The following NUPR1 variants were observed in gnomAD, a reference collection of about 807,000 sequenced individuals.
NUPR1 encodes the protein nuclear protein 1.
Under a neutral mutation model 7.3 loss-of-function variants are expected in NUPR1, and 8 were observed. The ratio of observed to expected loss-of-function variants is 1.09; its 90% CI spans 0.64 to 1.97. NUPR1 has a LOEUF of 1.97. Among genes scored for constraint, NUPR1 ranks in the 30% most tolerant of loss-of-function variants. The pLI is 0.00. For missense variants in NUPR1, 96 were observed against 111.7 expected (o/e 0.86, Z 0.63); for synonymous variants, 39 against 44.5 (o/e 0.88, Z 0.49).
rs1406601108 is a variant in NUPR1 at position 28,535,544 on chromosome 16, C to CTTTCTTTCTTTCTTT, written c.*2138_*2139insAAAGAAAGAAAGAAA. 1.7e-5 allele frequency: 1 copy of CTTTCTTTCTTTCTTT among 58,124 alleles called. No individual in the cohort carries two copies. Among genetic ancestry groups the CTTTCTTTCTTTCTTT allele is most frequent in the African/African-American group, 6.0e-5 (1 of 16,696 alleles). 3.6% of individuals were successfully genotyped at this position (58,124 alleles called of 1,614,324 possible). ...CTTTCTTTCTTTCTTTCTTTCTTTC[C>CTTTCTTTCTTTCTTT]TTCTTTCTTTCTTTCTTTCCTTCCT... On this transcript the variant is annotated 3_prime_UTR_variant, in exon 3 of 3. Transcript: ENST00000324873.
rs1157509232 is a variant in NUPR1, at chr16:28,535,538, TCTTTCC to T, written c.*2139_*2144del. ...TTCTTTCTTTCTTTCTTTCTTTCTT[TCTTTCC>T]TTCTTTCTTTCTTTCTTTCCTTCCT... On this transcript the variant is annotated 3_prime_UTR_variant, in exon 3 of 3. Transcript: ENST00000324873. 15 of 69,854 alleles carry T rather than the reference TCTTTCC, an allele frequency of 2.1e-4. No individual in the cohort carries two copies. The highest frequency in any genetic ancestry group is 6.9e-4 in the African/African-American group (15 of 21,758). 4.3% of individuals were successfully genotyped at this position (69,854 alleles called of 1,614,324 possible).
rs1231811231 is a variant in NUPR1, at chr16:28,534,638, C to T, written c.*3045G>A. ...GCTGTTGCCCAAGTTTTGGCTACCA[C>T]GTGGCTAAGCAGCTCAATGCTACAT... On this transcript the variant is annotated 3_prime_UTR_variant, in exon 3 of 3. Transcript: ENST00000324873. 1 of 152,182 alleles carries T rather than the reference C, an allele frequency of 6.6e-6. No individual in the cohort carries two copies. Among genetic ancestry groups the T allele is most frequent in the Non-Finnish European group, 1.5e-5 (1 of 68,032 alleles). The allele number at this position is 152,182 out of a possible 1,614,324, so 9.4% of individuals were successfully genotyped here.
At position 28,532,879 on chromosome 16, in the gene NUPR1, GT is replaced by G. The variant is rs1346682738; in HGVS notation, c.*4803del. 6.6e-6 allele frequency: 1 copy of G among 152,114 alleles called. No individual in the cohort carries two copies. The highest frequency in any genetic ancestry group is 6.6e-5 in the Admixed American group (1 of 15,266). 9.4% of individuals were successfully genotyped at this position (152,114 alleles called of 1,614,324 possible). A position where few individuals can be genotyped will look rare whatever the true frequency, so the allele number is the denominator to read the frequency against. ...AATTACTTAATGTCTCCGAACCTCA[GT>G]TTTCCGGTCTGAAAAAAAGGGGATC... On this transcript the variant is annotated 3_prime_UTR_variant, in exon 3 of 3. Coordinates refer to ENST00000324873, the MANE Select transcript of NUPR1 (RefSeq NM_012385.3).
At chr16:28,537,908 T>C in intron 2 of NUPR1, 98 bp downstream of exon 2, 1 of 956,858 alleles carries the variant, frequency 1.0e-6, no homozygotes, top group Middle Eastern at 2.7e-4. Context: ...AAGACAACAG[T>C]TGCCTGATCC....
chr16:28,535,565 TTCC>T lies in NUPR1; in HGVS notation c.*2115_*2117del, dbSNP rs1567277448. ...TTTCCTTCTTTCTTTCTTTCTTTCC[TTCC>T]TTCCTTTCTTTCTTTCTTTCTTTCT... On this transcript the variant is annotated 3_prime_UTR_variant, in exon 3 of 3. Coordinates refer to ENST00000324873, the MANE Select transcript of NUPR1 (RefSeq NM_012385.3). 188 of 29,310 alleles carry T rather than the reference TTCC, an allele frequency of 6.4e-3. 4 individuals carry two copies. The highest frequency in any genetic ancestry group is 5.6e-3 in the African/African-American group (79 of 14,210). 1.8% of individuals were successfully genotyped at this position (29,310 alleles called of 1,614,324 possible).
chr16:28,535,571 C>CTTTCTTTCTTTCTTTTT lies in NUPR1; in HGVS notation c.*2111_*2112insAAAAAGAAAGAAAGAAA, dbSNP rs1555472555. On this transcript the variant is annotated 3_prime_UTR_variant, in exon 3 of 3. Coordinates refer to ENST00000324873, the MANE Select transcript of NUPR1 (RefSeq NM_012385.3). ...TCTTTCTTTCTTTCTTTCCTTCCTT[C>CTTTCTTTCTTTCTTTTT]CTTTCTTTCTTTCTTTCTTTCTTTC... The CTTTCTTTCTTTCTTTTT allele has an allele frequency of 4.2e-4, 30 of 71,944 alleles. No individual in the cohort carries two copies. The highest frequency in any genetic ancestry group is 4.7e-4 in the Non-Finnish European group (18 of 38,500). The allele number at this position is 71,944 out of a possible 1,614,324, so 4.5% of individuals were successfully genotyped here.
Position 28,535,549 on chromosome 16 carries a change from T to TTC in NUPR1, c.*2132_*2133dup, listed in dbSNP as rs1179040297. 2.0e-4 allele frequency: 6 copies of TTC among 30,110 alleles called. No individual in the cohort carries two copies. Among genetic ancestry groups the TTC allele is most frequent in the African/African-American group, 3.2e-4 (4 of 12,308 alleles). The allele number at this position is 30,110 out of a possible 1,614,324, so 1.9% of individuals were successfully genotyped here. ...TTTCTTTCTTTCTTTCTTTCCTTCTTTCTTTCTTTCTTTCCTTCCTTCCTT... is the reference window on the plus strand; with the variant it reads ...TTTCTTTCTTTCTTTCTTTCCTTCTTTCTCTTTCTTTCTTTCCTTCCTTCCTT... On this transcript the variant is annotated 3_prime_UTR_variant, in exon 3 of 3. Transcript: ENST00000324873.
In NUPR1 at chr16:28,535,579, T is replaced by TCTTTCTTTCTTTCCTTC. The variant is rs2046611365; in HGVS notation, c.*2103_*2104insGAAGGAAAGAAAGAAAG. The TCTTTCTTTCTTTCCTTC allele has an allele frequency of 5.1e-5, 2 of 39,160 alleles. No individual in the cohort carries two copies. The highest frequency in any genetic ancestry group is 2.7e-4 in the African/African-American group (2 of 7,484). The allele number at this position is 39,160 out of a possible 1,614,324, so 2.4% of individuals were successfully genotyped here. On this transcript the variant is annotated 3_prime_UTR_variant, in exon 3 of 3. Coordinates refer to ENST00000324873, the MANE Select transcript of NUPR1 (RefSeq NM_012385.3). The stretch of plus-strand genomic sequence containing the variant: ...TCTTTCTTTCCTTCCTTCCTTTCTT[T>TCTTTCTTTCTTTCCTTC]CTTTCTTTCTTTCTTTCTTTCTTTC...
rs968589968 is a variant in NUPR1, at chr16:28,534,068, G to C, written c.*3615C>G. The C allele has an allele frequency of 2.0e-5, 3 of 152,178 alleles. No individual in the cohort carries two copies. Among genetic ancestry groups the C allele is most frequent in the Non-Finnish European group, 4.4e-5 (3 of 68,096 alleles). 9.4% of individuals were successfully genotyped at this position (152,178 alleles called of 1,614,324 possible). A position where few individuals can be genotyped will look rare whatever the true frequency, so the allele number is the denominator to read the frequency against. On this transcript the variant is annotated 3_prime_UTR_variant, in exon 3 of 3. Transcript: ENST00000324873. The stretch of plus-strand genomic sequence containing the variant: ...AAATCGCTTGAACCCAGGAAGCGGA[G>C]GTTGCAGTGGGTCGAGATCACACCA...
chr16:28,538,808 G>C lies in NUPR1; in HGVS notation c.100C>G (p.His34Asp). ...GAGTGGGCCTTACCGAGGTAGGAATGGGCCAGGCTATAGAGGTCAGATTCA... is the reference window on the plus strand; with the variant it reads ...GAGTGGGCCTTACCGAGGTAGGAATCGGCCAGGCTATAGAGGTCAGATTCA... ...LDESDLYSLAHSYLGGGGRKG... is the reference protein window; with the variant it reads ...LDESDLYSLADSYLGGGGRKG... Residue 34 changes from histidine to aspartate, a missense_variant, in exon 1 of 3, where the codon CAT (histidine) becomes GAT (aspartate). Coordinates refer to ENST00000324873, the MANE Select transcript of NUPR1 (RefSeq NM_012385.3). The C allele has an allele frequency of 6.2e-7, 1 of 1,607,946 alleles. No individual in the cohort carries two copies. The highest frequency in any genetic ancestry group is 1.1e-5 in the South Asian group (1 of 90,870).
chr16:28,538,900 G>T lies in NUPR1; in HGVS notation c.8C>A (p.Thr3Asn), dbSNP rs552179771. MATFPPATSAPQQ... is the reference protein window; with the variant it reads MANFPPATSAPQQ... ...GGGGGCGCTGGTTGCTGGTGGGAAGGTGGCCATCGTGCCTGGCTTGTCTTC... is the reference window on the plus strand; with the variant it reads ...GGGGGCGCTGGTTGCTGGTGGGAAGTTGGCCATCGTGCCTGGCTTGTCTTC... The change falls in exon 1 of 3, where the codon ACC becomes AAC. Residue 3 changes from threonine to asparagine, a missense_variant. By Grantham distance (65) the Thr-to-Asn change is moderately conservative. Transcript: ENST00000324873. The T allele has an allele frequency of 3.1e-6, 5 of 1,612,352 alleles. No individual in the cohort carries two copies. The highest frequency in any genetic ancestry group is 4.2e-6 in the Non-Finnish European group (5 of 1,179,540).
In NUPR1 at chr16:28,535,592, C is replaced by CTTTCT. The variant is rs2046614025; in HGVS notation, c.*2086_*2090dup. 7.0e-4 allele frequency: 26 copies of CTTTCT among 37,014 alleles called. 1 individual carries two copies. The highest frequency in any genetic ancestry group is 2.7e-3 in the African/African-American group (23 of 8,430). 2.3% of individuals were successfully genotyped at this position (37,014 alleles called of 1,614,324 possible). On this transcript the variant is annotated 3_prime_UTR_variant, in exon 3 of 3. Coordinates refer to ENST00000324873, the MANE Select transcript of NUPR1 (RefSeq NM_012385.3). ...CCTTCCTTTCTTTCTTTCTTTCTTT[C>CTTTCT]TTTCTTTCTTTCTTTCTTTCTTTCT...
chr16:28,538,757 G>A, intron 1 of NUPR1, 39 bp downstream of exon 1: 1 of 1,469,358 alleles, frequency 6.8e-7, no homozygotes, highest in Non-Finnish European at 9.5e-7. Context: ...GATTTCGGGA[G>A]AGGAGGAAGG....
intron 1 of NUPR1, 41 bp from the exon 2 acceptor site, chr16:28,538,196 C>T: frequency 6.2e-7 from 1 of 1,613,464 alleles, no homozygotes; most frequent in Non-Finnish European, 8.5e-7. Flanking sequence ...TGGGCATAGG[C>T]ATGATGAGAG....
rs2046590804 is a variant in NUPR1, at chr16:28,532,836, G to T, written c.*4847C>A. 1 of 152,178 alleles carries T rather than the reference G, an allele frequency of 6.6e-6. No homozygotes were observed. Among genetic ancestry groups the T allele is most frequent in the African/African-American group, 2.4e-5 (1 of 41,442 alleles). The allele number at this position is 152,178 out of a possible 1,614,324, so 9.4% of individuals were successfully genotyped here. On this transcript the variant is annotated 3_prime_UTR_variant, in exon 3 of 3. Transcript: ENST00000324873. The stretch of plus-strand genomic sequence containing the variant: ...ATAATTCCAAGTCCTACAGGATGTG[G>T]CTGTGTGACTTTAGGCAAATTACTT...
Position 28,535,580 on chromosome 16 carries a change from C to CTTTTCTTTCTTTCTT in NUPR1, c.*2102_*2103insAAGAAAGAAAGAAAA, listed in dbSNP as rs747608986. The CTTTTCTTTCTTTCTT allele has an allele frequency of 2.8e-5, 1 of 35,136 alleles. No individual in the cohort carries two copies. Among genetic ancestry groups the CTTTTCTTTCTTTCTT allele is most frequent in the East Asian group, 3.1e-3 (1 of 322 alleles). The allele number at this position is 35,136 out of a possible 1,614,324, so 2.2% of individuals were successfully genotyped here. A position where few individuals can be genotyped will look rare whatever the true frequency, so the allele number is the denominator to read the frequency against. On this transcript the variant is annotated 3_prime_UTR_variant, in exon 3 of 3. Coordinates refer to ENST00000324873, the MANE Select transcript of NUPR1 (RefSeq NM_012385.3). ...CTTTCTTTCCTTCCTTCCTTTCTTTCTTTCTTTCTTTCTTTCTTTCTTTCT... is the reference window on the plus strand; with the variant it reads ...CTTTCTTTCCTTCCTTCCTTTCTTTCTTTTCTTTCTTTCTTTTTCTTTCTTTCTTTCTTTCTTTCT...
At position 28,535,511 on chromosome 16, in the gene NUPR1, CTTTCTT is replaced by C. The variant is rs1355885303; in HGVS notation, c.*2166_*2171del. 1 of 64,616 alleles carries C rather than the reference CTTTCTT, an allele frequency of 1.5e-5. No individual in the cohort carries two copies. The highest frequency in any genetic ancestry group is 5.4e-5 in the African/African-American group (1 of 18,500). The allele number at this position is 64,616 out of a possible 1,614,324, so 4.0% of individuals were successfully genotyped here. On this transcript the variant is annotated 3_prime_UTR_variant, in exon 3 of 3. Transcript: ENST00000324873. ...TGTGCCGGGGCTCGCTCTTTTCTTT[CTTTCTT>C]TCTTTCTTTCTTTCTTTCTTTCTTT... is the stretch of plus-strand genomic sequence containing the variant.
rs2046629121 is a variant in NUPR1, at chr16:28,537,112, A to G, written c.*571T>C. 6.6e-6 allele frequency: 1 copy of G among 152,238 alleles called. No homozygotes were observed. The highest frequency in any genetic ancestry group is 1.5e-5 in the Non-Finnish European group (1 of 68,080). The allele number at this position is 152,238 out of a possible 1,614,324, so 9.4% of individuals were successfully genotyped here. On this transcript the variant is annotated 3_prime_UTR_variant, in exon 3 of 3. Transcript: ENST00000324873. ...GCAGTATCGCAAAAAAGCAGAAGAA[A>G]TTCCTTTCCACTACGTAGGAGCCCA... is the stretch of plus-strand genomic sequence containing the variant.
intron 1 of NUPR1, chr16:28,538,555 A>G: frequency 1.6e-6 from 1 of 638,894 alleles, no homozygotes; most frequent in Non-Finnish European, 2.8e-6. Flanking sequence ...CTGAAGTTCC[A>G]GCCACTCAGG....
Sources: gnomAD v4.1 joint callset for allele counts on GRCh38, gnomAD v4.1.1 for gene constraint, MANE v1.5 for transcripts, NCBI Gene and HGNC (gene_info 2026-07-23, HGNC 2026-07-21) for gene names.